MYO1E: variants seen among roughly 807,000 people sequenced by gnomAD.
MYO1E encodes unconventional myosin-Ie.
A neutral mutation model predicts 151.1 loss-of-function variants in MYO1E; 68 were observed. The ratio of observed to expected loss-of-function variants is 0.45; its 90% confidence interval spans 0.37 to 0.55. The LOEUF is 0.55. MYO1E is among the 20% of genes least tolerant of loss of function. MYO1E has a pLI of 0.00. For synonymous variants in MYO1E, 601 were observed against 501.7 expected (o/e 1.20, Z -2.64); for missense variants, 1,363 against 1,389.3 (o/e 0.98, Z 0.30).
At chr15:59,209,837 T>C (rs2079867580) in intron 13 of MYO1E, among the ~76,000 whole-genome samples, 1 of 116,298 alleles carries the variant, frequency 8.6e-6, no homozygotes, top group Non-Finnish European at 1.8e-5. Flanking sequence ...TTTTTTTTTT[T>C]TTTTTTTTTT....
At chr15:59,301,845 C>G (rs1567008281) in intron 1 of MYO1E, among the ~76,000 whole-genome samples, 1 of 152,202 alleles carries the variant, frequency 6.6e-6, no homozygotes. Flanking sequence ...AACGGGAAAG[C>G]TAACCTGAAG....
rs919349179 is a variant in MYO1E at position 59,277,941 on chromosome 15, T to G, written c.4-5492A>C. Among the ~76,000 whole-genome samples, 7 of 152,226 alleles carry G rather than the reference T, an allele frequency of 4.6e-5. 1 individual carries two copies. Among genetic ancestry groups the G allele is most frequent in the Non-Finnish European group, 7.3e-5 (5 of 68,036 alleles). ...AAGACCTGGAGTTTTAGGAGAAATG[T>G]AACCTTTATTTTCCATTTTAGACCT... is the stretch of plus-strand genomic sequence containing the variant. On this transcript the variant is annotated intron_variant, in intron 1 of 27. Coordinates refer to ENST00000288235, the MANE Select transcript of MYO1E (RefSeq NM_004998.4).
Position 59,191,486 on chromosome 15 carries a change from T to C in MYO1E, c.1806-3270A>G, listed in dbSNP as rs1482732540. 3.9e-5 allele frequency among the ~76,000 whole-genome samples: 6 copies of C among 152,132 alleles called. No individual in the cohort carries two copies. The East Asian group carries it at 9.6e-4, about 24-fold the overall frequency. On this transcript the variant is annotated intron_variant, in intron 17 of 27. Coordinates refer to ENST00000288235, the MANE Select transcript of MYO1E (RefSeq NM_004998.4). ...CCTTTTCTCTAGTGAGAAAAATGCA[T>C]GAAAAATGCATTTAAAGGTTCTGCT...
chr15:59,195,208 C>T (rs2079759251), intron 17 of MYO1E, among the ~76,000 whole-genome samples: 1 of 151,900 alleles, frequency 6.6e-6, no homozygotes, highest in African/African-American at 2.4e-5. Flanking sequence ...TGTTTTTTTT[C>T]CATCTGCCCC....
rs1381856680 is a variant in MYO1E at position 59,372,576 on chromosome 15, C to A, written c.-76G>T. 3 of 1,516,964 alleles carry A rather than the reference C, an allele frequency of 2.0e-6. No homozygotes were observed. The highest frequency in any genetic ancestry group is 2.7e-6 in the Non-Finnish European group (3 of 1,130,624). 94.0% of individuals were successfully genotyped at this position (1,516,964 alleles called of 1,614,324 possible). A position where few individuals can be genotyped will look rare whatever the true frequency, so the allele number is the denominator to read the frequency against. Reference sequence around the variant, plus strand: ...TGGGGCTGGAACGCAGTCTTCTGGGCGAACTTCAAAAGTTGGTTCCCCTCG... The same window carrying A: ...TGGGGCTGGAACGCAGTCTTCTGGGAGAACTTCAAAAGTTGGTTCCCCTCG... On this transcript the variant is annotated 5_prime_UTR_variant, in exon 1 of 28. Transcript: ENST00000288235.
At chr15:59,150,949 G>C (rs1221353188) in intron 26 of MYO1E, among the ~76,000 whole-genome samples, 2 of 150,646 alleles carry the variant, frequency 1.3e-5, no homozygotes, top group African/African-American at 2.4e-5. Flanking sequence ...ACGGTCATGA[G>C]AGCTGGTGGG....
intron 17 of MYO1E, among the ~76,000 whole-genome samples, chr15:59,190,450 C>G (rs191194365): frequency 1.3e-5 from 2 of 152,204 alleles, no homozygotes; most frequent in Non-Finnish European, 2.9e-5. Flanking sequence ...AAGGCTCTCA[C>G]AAAAACCACC....
intron 1 of MYO1E, among the ~76,000 whole-genome samples, chr15:59,303,245 C>T (rs1191708923): frequency 6.6e-6 from 1 of 152,182 alleles, no homozygotes; most frequent in Non-Finnish European, 1.5e-5. Context: ...AACCCTGTCT[C>T]TACCAAAAAT....
chr15:59,144,126 T>A (rs1256216171), intron 26 of MYO1E, among the ~76,000 whole-genome samples: 3 of 152,188 alleles, frequency 2.0e-5, no homozygotes, highest in African/African-American at 7.2e-5. Flanking sequence ...ATTCAGGCAA[T>A]GGCCTAGGTC....
intron 4 of MYO1E, 89 bp from the exon 5 acceptor site, chr15:59,236,761 C>CA: frequency 2.4e-6 from 3 of 1,253,168 alleles, no homozygotes; most frequent in Middle Eastern, 1.9e-4. Flanking sequence ...AACAAACAAA[C>CA]AAACAAAAAA....
chr15:59,302,515 T>C (rs1400086537), intron 1 of MYO1E, among the ~76,000 whole-genome samples: 1 of 152,186 alleles, frequency 6.6e-6, no homozygotes, highest in African/African-American at 2.4e-5. Context: ...ATCTAACTCA[T>C]GAGGCCAGGA....
chr15:59,293,713 T>C (rs1329931122), intron 1 of MYO1E, among the ~76,000 whole-genome samples: 2 of 152,128 alleles, frequency 1.3e-5, no homozygotes, highest in Non-Finnish European at 2.9e-5. Context: ...AAAAGTTTTT[T>C]CATCTGATGT....
intron 23 of MYO1E, among the ~76,000 whole-genome samples, chr15:59,162,528 C>T (rs1262118322): frequency 6.6e-6 from 1 of 151,896 alleles, no homozygotes; most frequent in African/African-American, 2.4e-5. Flanking sequence ...CACTTGTAAT[C>T]CTAGCTACTC....
chr15:59,180,352 C>A lies in MYO1E; in HGVS notation c.1905-1815G>T, dbSNP rs183162835. On this transcript the variant is annotated intron_variant, in intron 18 of 27. Coordinates refer to ENST00000288235, the MANE Select transcript of MYO1E (RefSeq NM_004998.4). The stretch of plus-strand genomic sequence containing the variant: ...GTGCTAGGAATCTAATTGGGTGAGG[C>A]AGAAAGTTCATGGAGGGTAGAAGTG... Among the ~76,000 whole-genome samples the A allele has an allele frequency of 7.2e-5, 11 of 152,184 alleles. 1 individual carries two copies. In the East Asian group the frequency reaches 1.9e-3, roughly 27 times the overall value.
chr15:59,371,856 C>A (rs2080947147), intron 1 of MYO1E, among the ~76,000 whole-genome samples: 1 of 151,756 alleles, frequency 6.6e-6, no homozygotes, highest in South Asian at 2.1e-4. Flanking sequence ...GCCCGAGTCT[C>A]CCTGGCTCTT....
At chr15:59,215,071 C>A (rs1247466658) in intron 10 of MYO1E, among the ~76,000 whole-genome samples, 1 of 152,100 alleles carries the variant, frequency 6.6e-6, no homozygotes, top group African/African-American at 2.4e-5. Flanking sequence ...ACAAAGAACC[C>A]ACACTAAAGG....
At chr15:59,157,296 G>GT (rs1176142413) in intron 25 of MYO1E, among the ~76,000 whole-genome samples, 1 of 152,092 alleles carries the variant, frequency 6.6e-6, no homozygotes, top group East Asian at 1.9e-4. Flanking sequence ...ATATTACTTT[G>GT]TTTTTTTGAA....
intron 4 of MYO1E, among the ~76,000 whole-genome samples, chr15:59,251,703 G>A (rs1298166766): frequency 7.2e-5 from 11 of 152,164 alleles, no homozygotes; most frequent in Admixed American, 2.0e-4. Flanking sequence ...ATGCTTCAGT[G>A]CTCATGTTTT....
intron 1 of MYO1E, 87 bp downstream of exon 1, chr15:59,372,411 C>T: frequency 6.7e-7 from 1 of 1,495,504 alleles, no homozygotes; most frequent in Middle Eastern, 2.3e-4. Flanking sequence ...CTGGCCCCGG[C>T]AGCGCGCCCA....
Sources: allele counts gnomAD v4.1 joint callset (sites outside exome capture counted in the v4.1 genomes callset), GRCh38; gene constraint gnomAD v4.1.1; transcripts MANE v1.5; gene names NCBI Gene and HGNC (gene_info 2026-07-23, HGNC 2026-07-21).